NRXN1: variants seen among roughly 807,000 people sequenced by gnomAD.
NRXN1 encodes neurexin 1, also known as neurexin-1.
NRXN1 carries 39 observed loss-of-function variants against 150.9 expected under a neutral mutation model. The ratio of observed to expected loss-of-function variants is 0.26; its 90% CI spans 0.20 to 0.34. NRXN1 has a LOEUF of 0.34. Among genes scored for constraint, NRXN1 ranks in the 10% least tolerant of loss-of-function variants. NRXN1 has a pLI of 1.00. For missense variants in NRXN1, 1,815 were observed against 1,949.9 expected, an observed-to-expected ratio of 0.93 and a Z score of 1.30; for synonymous variants, 924 against 757.0, an observed-to-expected ratio of 1.22 and a Z score of -3.62.
chr2:50,965,447 A>C (rs1693907967), intron 2 of NRXN1, among the ~76,000 whole-genome samples: 1 of 151,480 alleles, frequency 6.6e-6, no homozygotes, highest in South Asian at 2.1e-4. Flanking sequence ...ATTTTGCAAA[A>C]TAACCGTTTG....
chr2:50,854,602 G>T (rs1307359618), intron 5 of NRXN1, among the ~76,000 whole-genome samples: 1 of 151,974 alleles, frequency 6.6e-6, no homozygotes, highest in Non-Finnish European at 1.5e-5. Context: ...ATTATAGTTC[G>T]AGGAAAATAA....
intron 17 of NRXN1, among the ~76,000 whole-genome samples, chr2:50,240,038 C>T (rs1440508408): frequency 6.6e-6 from 1 of 151,386 alleles, no homozygotes; most frequent in East Asian, 1.9e-4. Context: ...AAGTTTTACA[C>T]TTTCAGTAAG....
chr2:50,002,574 G>A (rs1290400678), intron 21 of NRXN1, among the ~76,000 whole-genome samples: 1 of 152,080 alleles, frequency 6.6e-6, no homozygotes, highest in Middle Eastern at 3.2e-3. Flanking sequence ...TTGAGAGTGG[G>A]AATGAGAGAT....
intron 2 of NRXN1, among the ~76,000 whole-genome samples, chr2:50,931,043 T>G (rs1238176341): frequency 6.6e-6 from 1 of 152,180 alleles, no homozygotes; most frequent in Non-Finnish European, 1.5e-5. Flanking sequence ...TGGTTTTGAC[T>G]TCTTTGTTAA....
At chr2:50,511,878 C>G (rs2092465234) in intron 12 of NRXN1, among the ~76,000 whole-genome samples, 1 of 152,046 alleles carries the variant, frequency 6.6e-6, no homozygotes, top group Non-Finnish European at 1.5e-5. Context: ...TTCACATCAA[C>G]ATGATTCTTA....
chr2:50,540,219 G>T (rs1168412798), intron 9 of NRXN1, among the ~76,000 whole-genome samples: 1 of 152,154 alleles, frequency 6.6e-6, no homozygotes, highest in African/African-American at 2.4e-5. Context: ...CCAATGAGGG[G>T]AGCAAAATAG....
intron 2 of NRXN1, among the ~76,000 whole-genome samples, chr2:50,974,545 T>C (rs1209615232): frequency 6.6e-6 from 1 of 152,128 alleles, no homozygotes; most frequent in Non-Finnish European, 1.5e-5. Flanking sequence ...TTTTCTTCAC[T>C]CTAAACAGTC....
intron 17 of NRXN1, among the ~76,000 whole-genome samples, chr2:50,272,415 T>C (rs1400764464): frequency 1.3e-5 from 2 of 152,120 alleles, no homozygotes; most frequent in Non-Finnish European, 2.9e-5. Flanking sequence ...CAATAAAACT[T>C]GATACTGAAA....
At chr2:50,133,236 G>A (rs919417991) in intron 18 of NRXN1, among the ~76,000 whole-genome samples, 3 of 152,198 alleles carry the variant, frequency 2.0e-5, no homozygotes, top group African/African-American at 7.2e-5. Flanking sequence ...GAAGATGTAG[G>A]GAAAGTGGCT....
intron 5 of NRXN1, among the ~76,000 whole-genome samples, chr2:50,654,899 A>G (rs1469074429): frequency 6.6e-6 from 1 of 152,066 alleles, no homozygotes; most frequent in Non-Finnish European, 1.5e-5. Flanking sequence ...TCAAAGGTTC[A>G]AACGATGCTT....
intron 9 of NRXN1, among the ~76,000 whole-genome samples, chr2:50,551,074 A>AGAAGAAGAAGAAGAAGAAGAAGAGGAG (rs1553775804): frequency 2.7e-5 from 3 of 110,784 alleles, no homozygotes; most frequent in African/African-American, 1.1e-4. Flanking sequence ...AAGAAGAAGA[A>AGAAGAAGAAGAAGAAGAAGAAGAGGAG]GAGGAGGAGG....
At chr2:50,445,122 A>C (rs1047964400) in intron 17 of NRXN1, among the ~76,000 whole-genome samples, 1 of 152,102 alleles carries the variant, frequency 6.6e-6, no homozygotes, top group Admixed American at 6.6e-5. Context: ...TTTTCCTTTT[A>C]GTTTCCATAA....
At chr2:50,000,478 C>A (rs1427396606) in intron 21 of NRXN1, among the ~76,000 whole-genome samples, 1 of 152,150 alleles carries the variant, frequency 6.6e-6, no homozygotes, top group Non-Finnish European at 1.5e-5. Flanking sequence ...TGCTACTTAT[C>A]TCACACCTCT....
At chr2:50,979,341 C>A in intron 2 of NRXN1, 1 of 496,180 alleles carries the variant, frequency 2.0e-6, no homozygotes, top group Non-Finnish European at 4.0e-6. Context: ...CTATTCTCAG[C>A]ACAGTATCCT....
At chr2:50,524,521 A>T (rs1420982116) in intron 12 of NRXN1, among the ~76,000 whole-genome samples, 2 of 145,516 alleles carry the variant, frequency 1.4e-5, no homozygotes, top group Non-Finnish European at 3.0e-5. Context: ...ATAAATAAAT[A>T]AAATAAAATA....
chr2:49,946,597 A>T (rs1426945248), intron 21 of NRXN1, among the ~76,000 whole-genome samples: 1 of 152,102 alleles, frequency 6.6e-6, no homozygotes, highest in Non-Finnish European at 1.5e-5. Flanking sequence ...AGTTTCCTGC[A>T]TATGTCTAGC....
At chr2:50,181,084 A>T (rs1180410131) in intron 18 of NRXN1, among the ~76,000 whole-genome samples, 3 of 152,112 alleles carry the variant, frequency 2.0e-5, no homozygotes, top group African/African-American at 7.2e-5. Flanking sequence ...TAACCATGAA[A>T]AGAGTTTTAA....
At chr2:49,956,285 G>T (rs1674927355) in intron 21 of NRXN1, among the ~76,000 whole-genome samples, 1 of 152,106 alleles carries the variant, frequency 6.6e-6, no homozygotes, top group Admixed American at 6.6e-5. Context: ...AAATGCAAGG[G>T]ATTGACAGAA....
intron 2 of NRXN1, among the ~76,000 whole-genome samples, chr2:50,980,386 AC>A (rs1452162374): frequency 6.6e-6 from 1 of 152,158 alleles, no homozygotes; most frequent in African/African-American, 2.4e-5. Context: ...TACCTAAAAA[AC>A]AGTTTGCTAA....
Sources: gnomAD v4.1 joint callset for allele counts (sites outside exome capture counted in the v4.1 genomes callset) on GRCh38, gnomAD v4.1.1 for gene constraint, MANE v1.5 for transcripts, NCBI Gene and HGNC (gene_info 2026-07-23, HGNC 2026-07-21) for gene names.